Variants in MCU observed in about 807,000 individuals in gnomAD.
MCU encodes calcium uniporter protein, mitochondrial.
In MCU, 12 loss-of-function variants were observed where a neutral mutation model predicts 45.2. The observed-to-expected ratio is 0.27, with a 90% CI of 0.17 to 0.43. The LOEUF (loss-of-function observed/expected upper bound fraction) is 0.43. Ranked by LOEUF, MCU falls within the 20% of genes least tolerant of loss-of-function variation. The pLI, the probability that MCU is intolerant of heterozygous loss-of-function variation, is 1.00. For missense variants in MCU, 324 were observed against 436.7 expected (o/e 0.74, Z 2.30); for synonymous variants, 160 against 165.1 (o/e 0.97, Z 0.24).
chr10:72,727,541 C>T lies in MCU; in HGVS notation c.150+35240C>T, dbSNP rs550321542. On this transcript the variant is annotated intron_variant, in intron 1 of 7. Coordinates refer to ENST00000373053, the MANE Select transcript of MCU (RefSeq NM_138357.3). ...TTTCAGTACTCCAATCAAGTGTCATCGCCCTTCATAAAGCCTCTTTGCTTT... is the reference window on the plus strand; with the variant it reads ...TTTCAGTACTCCAATCAAGTGTCATTGCCCTTCATAAAGCCTCTTTGCTTT... Among the ~76,000 whole-genome samples, 44 of 152,276 alleles carry T rather than the reference C, an allele frequency of 2.9e-4. No homozygotes were observed. In the South Asian group the frequency reaches 2.9e-3, roughly 10 times the overall value.
chr10:72,821,745 C>T (rs142818113), intron 1 of MCU, among the ~76,000 whole-genome samples: 3 of 152,264 alleles, frequency 2.0e-5, no homozygotes, highest in Non-Finnish European at 4.4e-5. Context: ...AACTTCAACT[C>T]AGCTGGTATT....
chr10:72,740,638 T>C (rs1258904004), intron 1 of MCU, among the ~76,000 whole-genome samples: 1 of 152,256 alleles, frequency 6.6e-6, no homozygotes, highest in Non-Finnish European at 1.5e-5. Context: ...ATATTTTGCA[T>C]GTTTGTTTTC....
chr10:72,723,301 G>A (rs74867040), intron 1 of MCU, among the ~76,000 whole-genome samples: 4,380 of 152,130 alleles, frequency 0.029, 211 homozygotes, highest in African/African-American at 0.097. Context: ...AATAAACTTA[G>A]TTTTCTGTTC....
intron 1 of MCU, among the ~76,000 whole-genome samples, chr10:72,816,787 T>G (rs1348215373): frequency 6.6e-6 from 1 of 151,982 alleles, no homozygotes; most frequent in African/African-American, 2.4e-5. Context: ...TAGTACATAA[T>G]CTGGTGAGGT....
intron 2 of MCU, among the ~76,000 whole-genome samples, chr10:72,834,752 C>T (rs1177886554): frequency 1.3e-5 from 2 of 152,142 alleles, no homozygotes. Context: ...GCCTCTGCCT[C>T]CTGGATTCAA....
At chr10:72,722,316 CAAAAAAAA>C (rs35164146) in intron 1 of MCU, among the ~76,000 whole-genome samples, 3 of 20,158 alleles carry the variant, frequency 1.5e-4, no homozygotes, top group Non-Finnish European at 2.3e-4. Flanking sequence ...AACTCCATCT[CAAAAAAAA>C]AAAAAAAAAA....
chr10:72,699,619 A>G (rs1183822023), intron 1 of MCU, among the ~76,000 whole-genome samples: 1 of 144,828 alleles, frequency 6.9e-6, no homozygotes, highest in Non-Finnish European at 1.5e-5. Flanking sequence ...ATTGAGATGG[A>G]GTCACGCTGT....
chr10:72,755,661 G>C (rs1437065611), intron 1 of MCU, among the ~76,000 whole-genome samples: 3 of 152,156 alleles, frequency 2.0e-5, no homozygotes, highest in Non-Finnish European at 4.4e-5. Context: ...ATCACTATGA[G>C]TTTGCACTTG....
chr10:72,842,235 G>GA (rs1441071178), intron 2 of MCU, among the ~76,000 whole-genome samples: 2 of 152,186 alleles, frequency 1.3e-5, no homozygotes, highest in African/African-American at 2.4e-5. Context: ...AGTCATGAAT[G>GA]AAAAGTTTTG....
chr10:72,796,362 A>C (rs1844245902), intron 1 of MCU, among the ~76,000 whole-genome samples: 1 of 152,152 alleles, frequency 6.6e-6, no homozygotes, highest in Non-Finnish European at 1.5e-5. Flanking sequence ...TCGAGGCTGC[A>C]GTGAGCTATG....
chr10:72,886,388 T>C lies in MCU; in HGVS notation c.*566T>C, dbSNP rs1845775595. On this transcript the variant is annotated 3_prime_UTR_variant, in exon 8 of 8. Coordinates refer to ENST00000373053, the MANE Select transcript of MCU (RefSeq NM_138357.3). ...TGTACCTCTTGGTTACACTCATTTTTTCCATTTGATAATTGGAACCAACTT... is the reference window on the plus strand; with the variant it reads ...TGTACCTCTTGGTTACACTCATTTTCTCCATTTGATAATTGGAACCAACTT... 6.5e-6 allele frequency: 1 copy of C among 152,700 alleles called. No homozygotes were observed. The highest frequency in any genetic ancestry group is 2.1e-4 in the South Asian group (1 of 4,846). 9.5% of individuals were successfully genotyped at this position (152,700 alleles called of 1,614,324 possible). A position where few individuals can be genotyped will look rare whatever the true frequency, so the allele number is the denominator to read the frequency against.
intron 2 of MCU, among the ~76,000 whole-genome samples, chr10:72,852,539 G>A (rs1199562552): frequency 6.6e-6 from 1 of 152,182 alleles, no homozygotes; most frequent in Non-Finnish European, 1.5e-5. Flanking sequence ...CTGGACAATA[G>A]GCACACAGGA....
At chr10:72,739,581 A>G (rs1697428701) in intron 1 of MCU, among the ~76,000 whole-genome samples, 1 of 152,028 alleles carries the variant, frequency 6.6e-6, no homozygotes, top group Non-Finnish European at 1.5e-5. Context: ...CCAACTTCTT[A>G]TGTTCCCAAA....
intron 1 of MCU, among the ~76,000 whole-genome samples, chr10:72,720,417 TG>T (rs1485131739): frequency 1.3e-5 from 2 of 152,204 alleles, no homozygotes; most frequent in African/African-American, 4.8e-5. Context: ...TGCTCCTGAA[TG>T]CCATGAATAG....
In MCU at chr10:72,884,367, G is replaced by A; in HGVS notation, c.963G>A (p.Lys321=). Residue 321 remains lysine, a synonymous_variant, in exon 7 of 8, where the codon AAG becomes AAA. Transcript: ENST00000373053. ...RFDLEKYNQL[K]DAIAQAEMDL... ...ACCTAGAGAAATACAATCAACTCAA[G>A]GATGCAATTGCTCAGGTAAGTTTTA... 1 of 1,599,376 alleles carries A rather than the reference G, an allele frequency of 6.3e-7. No individual in the cohort carries two copies. Among genetic ancestry groups the A allele is most frequent in the Non-Finnish European group, 8.6e-7 (1 of 1,166,974 alleles).
At chr10:72,745,282 G>A (rs1312750366) in intron 1 of MCU, among the ~76,000 whole-genome samples, 1 of 152,044 alleles carries the variant, frequency 6.6e-6, no homozygotes, top group Non-Finnish European at 1.5e-5. Context: ...AAGCTGGAGT[G>A]CAATGGCACG....
intron 1 of MCU, among the ~76,000 whole-genome samples, chr10:72,720,047 A>AT (rs796966224): frequency 5.4e-4 from 80 of 147,762 alleles, no homozygotes; most frequent in Admixed American, 1.4e-3. Context: ...ATCTAATTAA[A>AT]TTTTTTTTTT....
At chr10:72,873,617 C>G (rs1284184414) in intron 6 of MCU, among the ~76,000 whole-genome samples, 1 of 151,906 alleles carries the variant, frequency 6.6e-6, no homozygotes, top group Admixed American at 6.6e-5. Flanking sequence ...TTGATATAAT[C>G]CCATCTGTCT....
chr10:72,734,538 C>T (rs907634252), intron 1 of MCU, among the ~76,000 whole-genome samples: 5 of 152,114 alleles, frequency 3.3e-5, no homozygotes, highest in Non-Finnish European at 7.3e-5. Flanking sequence ...CATAGTAATA[C>T]TTACTAGTTT....
Sources: gnomAD v4.1 joint callset for allele counts (sites outside exome capture counted in the v4.1 genomes callset) on GRCh38, gnomAD v4.1.1 for gene constraint, MANE v1.5 for transcripts, NCBI Gene and HGNC (gene_info 2026-07-23, HGNC 2026-07-21) for gene names.